Variants in TCF4 observed in about 807,000 individuals in gnomAD.
The protein encoded by TCF4 is transcription factor 4, also known as SL3-3 enhancer factor 2.
A neutral mutation model predicts 82.1 loss-of-function variants in TCF4; 3 were observed. The observed-to-expected ratio is 0.04, with a 90% confidence interval of 0.02 to 0.09. The LOEUF (loss-of-function observed/expected upper bound fraction) is 0.09, where lower values mean the gene tolerates loss of function less well. Among genes scored for constraint, TCF4 ranks in the 10% least tolerant of loss-of-function variants. TCF4 has a pLI of 1.00. For missense variants in TCF4, 518 were observed against 852.7 expected (o/e 0.61, Z 4.89); for synonymous variants, 276 against 309.6 (o/e 0.89, Z 1.14).
intron 5 of TCF4, among the ~76,000 whole-genome samples, chr18:55,434,024 T>C (rs546999539): frequency 1.3e-5 from 2 of 152,256 alleles, no homozygotes; most frequent in East Asian, 1.9e-4. Flanking sequence ...CAGCCTAAGA[T>C]TGCCAGAGTA....
At chr18:55,320,424 G>T (rs142348354) in intron 8 of TCF4, among the ~76,000 whole-genome samples, 1,703 of 152,220 alleles carry the variant, frequency 0.011, 45 homozygotes, top group African/African-American at 0.037. Flanking sequence ...ATTTCAAGTT[G>T]CCCATTCATA....
intron 5 of TCF4, among the ~76,000 whole-genome samples, chr18:55,445,021 T>A (rs1184157351): frequency 6.6e-6 from 1 of 152,204 alleles, no homozygotes; most frequent in African/African-American, 2.4e-5. Flanking sequence ...CCAGTTCAGC[T>A]CAATCTCATC....
intron 3 of TCF4, among the ~76,000 whole-genome samples, chr18:55,563,638 G>A (rs2147364683): frequency 6.6e-6 from 1 of 152,298 alleles, no homozygotes; most frequent in Middle Eastern, 3.4e-3. Flanking sequence ...TATGGCCTTG[G>A]CCAGCCTAGG....
At chr18:55,342,699 C>A (rs1313995740) in intron 8 of TCF4, among the ~76,000 whole-genome samples, 2 of 152,040 alleles carry the variant, frequency 1.3e-5, no homozygotes, top group African/African-American at 4.8e-5. Flanking sequence ...TAAGCTAGAG[C>A]TCCAGTTTTT....
intron 3 of TCF4, among the ~76,000 whole-genome samples, chr18:55,521,092 T>C (rs1234112285): frequency 6.6e-6 from 1 of 152,242 alleles, no homozygotes; most frequent in Middle Eastern, 3.4e-3. Flanking sequence ...TGCTACTTAC[T>C]AGGAATTCTG....
intron 5 of TCF4, among the ~76,000 whole-genome samples, chr18:55,453,388 T>A (rs893373428): frequency 3.9e-5 from 6 of 152,238 alleles, no homozygotes; most frequent in Admixed American, 2.6e-4. Flanking sequence ...ATTAGTCACA[T>A]TTTCCATTAC....
At chr18:55,630,745 A>G (rs1411471400) in intron 2 of TCF4, among the ~76,000 whole-genome samples, 2 of 152,210 alleles carry the variant, frequency 1.3e-5, no homozygotes, top group Non-Finnish European at 2.9e-5. Flanking sequence ...AAAGAAATCT[A>G]AGACTATGAG....
In TCF4 at chr18:55,225,843, G is replaced by A. The variant is rs532809551; in HGVS notation, c.*2192C>T. On this transcript the variant is annotated 3_prime_UTR_variant, in exon 20 of 20. Transcript: ENST00000354452. ...AAATCAAAGTTATTTTAGTTTTATC[G>A]CTACTGAACATATTTACAGTTTTTC... 9 of 152,426 alleles carry A rather than the reference G, an allele frequency of 5.9e-5. No individual in the cohort carries two copies. Among genetic ancestry groups the A allele is most frequent in the South Asian group, 2.1e-4 (1 of 4,812 alleles). 9.4% of individuals were successfully genotyped at this position (152,426 alleles called of 1,614,324 possible).
At chr18:55,395,967 C>T (rs1336496278) in intron 6 of TCF4, among the ~76,000 whole-genome samples, 2 of 151,934 alleles carry the variant, frequency 1.3e-5, no homozygotes, top group South Asian at 2.1e-4. Flanking sequence ...AGGAACGATG[C>T]GATCTGCCCT....
At chr18:55,583,534 T>C (rs563037843) in intron 3 of TCF4, among the ~76,000 whole-genome samples, 4 of 152,252 alleles carry the variant, frequency 2.6e-5, no homozygotes, top group Non-Finnish European at 5.9e-5. Context: ...CATACAGTTG[T>C]CTTTTTAAAT....
At chr18:55,604,929 A>G (rs12455205) in intron 2 of TCF4, among the ~76,000 whole-genome samples, 22,614 of 152,214 alleles carry the variant, frequency 0.15, 2,095 homozygotes, top group Admixed American at 0.29. Flanking sequence ...ATTGAGGACC[A>G]ATCTTGAAAT....
intron 3 of TCF4, among the ~76,000 whole-genome samples, chr18:55,563,819 G>A (rs2097375962): frequency 6.6e-6 from 1 of 152,320 alleles, no homozygotes; most frequent in Non-Finnish European, 1.5e-5. Flanking sequence ...TATGCAAAGT[G>A]TATTTGCAAA....
At chr18:55,583,674 T>C (rs185258390) in intron 3 of TCF4, among the ~76,000 whole-genome samples, 206 of 152,274 alleles carry the variant, frequency 1.4e-3, no homozygotes, top group African/African-American at 4.7e-3. Flanking sequence ...AAAAGTAGTC[T>C]ATCTCTGTGT....
chr18:55,406,460 A>C (rs974441855), intron 5 of TCF4, among the ~76,000 whole-genome samples: 2 of 152,068 alleles, frequency 1.3e-5, no homozygotes, highest in Admixed American at 1.3e-4. Context: ...TAGAAAAGAA[A>C]CTATCTTTTG....
intron 5 of TCF4, among the ~76,000 whole-genome samples, chr18:55,406,126 C>CTTTTT (rs34522468): frequency 1.5e-4 from 17 of 116,064 alleles, no homozygotes; most frequent in Admixed American, 2.7e-4. Flanking sequence ...GGGAGGTGGA[C>CTTTTT]TTTTTTTTTT....
chr18:55,472,205 T>A (rs577265259), intron 3 of TCF4, among the ~76,000 whole-genome samples: 43 of 152,206 alleles, frequency 2.8e-4, no homozygotes, highest in Admixed American at 1.6e-3. Context: ...AAAATTCAGA[T>A]AATGAGAAAG....
chr18:55,496,407 T>TAAAAAAAAAAAAAAAAAC (rs59413482), intron 3 of TCF4: 1 of 131,928 alleles, frequency 7.6e-6, no homozygotes. Flanking sequence ...ACAAAAAAAC[T>TAAAAAAAAAAAAAAAAAC]AAAAAAAAAA....
At chr18:55,577,104 AT>A (rs1397239430) in intron 3 of TCF4, among the ~76,000 whole-genome samples, 2 of 146,404 alleles carry the variant, frequency 1.4e-5, no homozygotes, top group African/African-American at 2.5e-5. Context: ...TTATATATTT[AT>A]ATATGTATAT....
chr18:55,571,958 C>T (rs1345185013), intron 3 of TCF4, among the ~76,000 whole-genome samples: 6 of 151,296 alleles, frequency 4.0e-5, no homozygotes, highest in Non-Finnish European at 7.4e-5. Context: ...TAGTTCATTT[C>T]GTTTTAACTA....
Sources: gnomAD v4.1 joint callset for allele counts (sites outside exome capture counted in the v4.1 genomes callset) on GRCh38, gnomAD v4.1.1 for gene constraint, MANE v1.5 for transcripts, NCBI Gene and HGNC (gene_info 2026-07-23, HGNC 2026-07-21) for gene names.